The following SORBS2 variants were observed in gnomAD, a reference collection of about 807,000 sequenced individuals.
SORBS2 encodes the protein sorbin and SH3 domain-containing protein 2.
Under a neutral mutation model 97.7 loss-of-function variants are expected in SORBS2, and 46 were observed. The ratio of observed to expected loss-of-function variants is 0.47; its 90% CI spans 0.37 to 0.60. The LOEUF is 0.60. Among genes scored for constraint, SORBS2 ranks in the 20% least tolerant of loss-of-function variants. SORBS2 has a pLI of 0.00. For synonymous variants in SORBS2, 476 were observed against 473.4 expected (o/e 1.01, Z -0.07); for missense variants, 1,316 against 1,282.3 (o/e 1.03, Z -0.40).
At chr4:185,671,429 C>T (rs920653615) in intron 4 of SORBS2, among the ~76,000 whole-genome samples, 2 of 152,168 alleles carry the variant, frequency 1.3e-5, no homozygotes, top group Non-Finnish European at 2.9e-5. Context: ...GATCTTGAGT[C>T]AGACAGACTT....
At chr4:185,587,808 A>G in intron 14 of SORBS2, 120 bp from the exon 27 acceptor site, 1 of 758,470 alleles carries the variant, frequency 1.3e-6, no homozygotes, top group South Asian at 1.6e-5. Context: ...GGTTTGGAAA[A>G]GAAGGCAGGC....
At chr4:185,747,827 C>T (rs567919186) in intron 2 of SORBS2, among the ~76,000 whole-genome samples, 7 of 151,962 alleles carry the variant, frequency 4.6e-5, no homozygotes, top group African/African-American at 7.2e-5. Context: ...CCGTCTCTAC[C>T]GAAAATACAA....
At chr4:185,752,871 G>A (rs2098809598) in intron 2 of SORBS2, among the ~76,000 whole-genome samples, 3 of 152,140 alleles carry the variant, frequency 2.0e-5, no homozygotes, top group Non-Finnish European at 4.4e-5. Flanking sequence ...TATCCCTTTT[G>A]AGGTACTTAA....
At chr4:185,820,745 C>T (rs1407962731) in intron 1 of SORBS2, among the ~76,000 whole-genome samples, 3 of 152,368 alleles carry the variant, frequency 2.0e-5, no homozygotes, top group Admixed American at 1.3e-4. Context: ...GGACTTCACA[C>T]GCTGCACATT....
chr4:185,811,978 A>G (rs1247256409), intron 1 of SORBS2: 1 of 152,104 alleles, frequency 6.6e-6, no homozygotes, highest in Non-Finnish European at 1.5e-5. Flanking sequence ...CAAGACAAAA[A>G]CCTTTGCTGC....
chr4:185,653,269 C>T (rs184595760), intron 1 of SORBS2, among the ~76,000 whole-genome samples: 103 of 152,232 alleles, frequency 6.8e-4, no homozygotes, highest in Non-Finnish European at 1.2e-3. Context: ...CAGAGTCCTA[C>T]GGAAAATTTA....
intron 2 of SORBS2, among the ~76,000 whole-genome samples, chr4:185,738,175 C>T (rs1271073693): frequency 6.6e-6 from 1 of 152,228 alleles, no homozygotes; most frequent in Non-Finnish European, 1.5e-5. Flanking sequence ...TAGAACAATA[C>T]CCTTTCCACA....
At chr4:185,942,698 TA>T (rs932424599) in intron 1 of SORBS2, among the ~76,000 whole-genome samples, 6 of 152,210 alleles carry the variant, frequency 3.9e-5, no homozygotes, top group Non-Finnish European at 7.3e-5. Context: ...TCCATGCTCT[TA>T]TTAGAACAAT....
chr4:185,944,345 G>A (rs1460898875), intron 1 of SORBS2, among the ~76,000 whole-genome samples: 3 of 152,180 alleles, frequency 2.0e-5, no homozygotes, highest in African/African-American at 7.2e-5. Context: ...TGACATCAAT[G>A]TGATGTCAGC....
intron 12 of SORBS2, among the ~76,000 whole-genome samples, chr4:185,598,567 A>T (rs1459963535): frequency 6.6e-6 from 1 of 152,224 alleles, no homozygotes; most frequent in African/African-American, 2.4e-5. Flanking sequence ...TATATTTAGT[A>T]TCAAATAATT....
chr4:185,842,733 G>A (rs1283772388), intron 1 of SORBS2, among the ~76,000 whole-genome samples: 8 of 151,952 alleles, frequency 5.3e-5, no homozygotes, highest in South Asian at 4.1e-4. Flanking sequence ...TCAGGAGATC[G>A]AGACCATTTT....
chr4:185,668,255 T>A (rs1235658381), intron 4 of SORBS2, among the ~76,000 whole-genome samples: 1 of 152,252 alleles, frequency 6.6e-6, no homozygotes, highest in African/African-American at 2.4e-5. Flanking sequence ...TTAGTTTGCA[T>A]AGCACTGTGT....
intron 1 of SORBS2, chr4:185,918,109 G>A (rs2149908722): frequency 6.6e-6 from 1 of 152,166 alleles, no homozygotes; most frequent in South Asian, 2.1e-4. Flanking sequence ...TGTTTACTAG[G>A]CATCAAACAA....
intron 1 of SORBS2, among the ~76,000 whole-genome samples, chr4:185,878,484 A>T (rs1579295441): frequency 6.6e-6 from 1 of 152,162 alleles, no homozygotes; most frequent in Admixed American, 6.5e-5. Flanking sequence ...TCAGAAGCCC[A>T]GGAGCCGTAC....
intron 2 of SORBS2, 120 bp from the exon 6 acceptor site, chr4:185,678,942 T>G: frequency 2.0e-6 from 1 of 505,220 alleles, no homozygotes. Flanking sequence ...AGTTTTAAAA[T>G]CTGGGTATGT....
intron 1 of SORBS2, among the ~76,000 whole-genome samples, chr4:185,787,585 ATTTC>A (rs1240281289): frequency 3.9e-5 from 6 of 152,068 alleles, no homozygotes; most frequent in Non-Finnish European, 7.4e-5. Context: ...GCTCTGTCTG[ATTTC>A]TTTTTTAATT....
chr4:185,709,189 T>C (rs1412747463), intron 2 of SORBS2, among the ~76,000 whole-genome samples: 2 of 152,192 alleles, frequency 1.3e-5, no homozygotes, highest in African/African-American at 4.8e-5. Flanking sequence ...CAGCTAACTT[T>C]TGTATTTTTT....
intron 2 of SORBS2, among the ~76,000 whole-genome samples, chr4:185,693,258 C>A (rs1482233808): frequency 6.6e-6 from 1 of 151,994 alleles, no homozygotes; most frequent in Admixed American, 6.5e-5. Flanking sequence ...TTGTTTTGTT[C>A]TTCTCCAGAA....
At chr4:185,764,839 C>T (rs1219293470) in intron 2 of SORBS2, among the ~76,000 whole-genome samples, 1 of 152,116 alleles carries the variant, frequency 6.6e-6, no homozygotes, top group Admixed American at 6.5e-5. Context: ...CAATTAAAGC[C>T]TGCTGCACAT....
Sources: gnomAD v4.1 joint callset for allele counts (sites outside exome capture counted in the v4.1 genomes callset) on GRCh38, gnomAD v4.1.1 for gene constraint, MANE v1.5 for transcripts, NCBI Gene and HGNC (gene_info 2026-07-23, HGNC 2026-07-21) for gene names.